The following CEP85L variants were observed in gnomAD, a reference collection of about 807,000 sequenced individuals.
CEP85L encodes the protein centrosomal protein of 85 kDa-like.
CEP85L carries 60 observed loss-of-function variants against 100.3 expected under a neutral mutation model. The observed-to-expected ratio is 0.60, with a 90% confidence interval of 0.49 to 0.74. The LOEUF (loss-of-function observed/expected upper bound fraction) is 0.74. Ranked by LOEUF, CEP85L falls within the 30% of genes least tolerant of loss-of-function variation. The probability of loss-of-function intolerance (pLI) is 0.00; values close to 1 mark genes in which losing one functional copy is unlikely to be tolerated. For synonymous variants in CEP85L, 319 were observed against 322.7 expected (o/e 0.99, Z 0.12); for missense variants, 973 against 936.2 (o/e 1.04, Z -0.51).
At chr6:118,595,205 C>G (rs938000589) in intron 2 of CEP85L, among the ~76,000 whole-genome samples, 1 of 152,046 alleles carries the variant, frequency 6.6e-6, no homozygotes, top group Non-Finnish European at 1.5e-5. Flanking sequence ...CAAAGAAATC[C>G]TAGGAAAACA....
At chr6:118,708,548 A>C (rs1472352741) in intron 1 of CEP85L, among the ~76,000 whole-genome samples, 1 of 152,244 alleles carries the variant, frequency 6.6e-6, no homozygotes, top group East Asian at 1.9e-4. Context: ...AAAAGAACTT[A>C]CTTTTTAGGA....
rs1391879628 is a variant in CEP85L at position 118,566,166 on chromosome 6, C to T, written c.383G>A (p.Ser128Asn). Residue 128 changes from serine (S) to asparagine (N), a missense_variant, in exon 3 of 13, where the codon AGC becomes AAC. This residue lies in a region of CEP85L where 890 missense variants were observed against 844.5 expected (regional missense o/e 1.05). Transcript: ENST00000368491. ...GTGGTTTCCCAATGTTTGCATGAGG[C>T]TTGTACTCCATTTTGAGCCATCTGG... is the stretch of plus-strand genomic sequence containing the variant. ...LTPDGSKWST[S>N]LMQTLGNHSR... 5.0e-6 allele frequency: 8 copies of T among 1,614,128 alleles called. No homozygotes were observed. The Middle Eastern group carries it at 8.2e-4, about 166-fold the overall frequency.
At chr6:118,696,563 T>C (rs964334196) in intron 1 of CEP85L, among the ~76,000 whole-genome samples, 3 of 152,222 alleles carry the variant, frequency 2.0e-5, no homozygotes, top group Non-Finnish European at 4.4e-5. Flanking sequence ...CAAGTTGCTG[T>C]AGACACTTTG....
At chr6:118,570,170 T>C (rs1779802408) in intron 2 of CEP85L, among the ~76,000 whole-genome samples, 1 of 152,144 alleles carries the variant, frequency 6.6e-6, no homozygotes, top group South Asian at 2.1e-4. Context: ...CTCTACATAG[T>C]GGAAAGGGGG....
At chr6:118,650,737 C>T (rs1271597801) in intron 1 of CEP85L, among the ~76,000 whole-genome samples, 2 of 152,188 alleles carry the variant, frequency 1.3e-5, no homozygotes, top group African/African-American at 4.8e-5. Context: ...CCTGCGCCTA[C>T]CAGAAGTCGG....
Position 118,466,820 on chromosome 6 carries a change from G to A in CEP85L, c.2255-1252C>T, listed in dbSNP as rs148482868. On this transcript the variant is annotated intron_variant, in intron 12 of 12. Coordinates refer to ENST00000368491, the MANE Select transcript of CEP85L (RefSeq NM_001042475.3). ...GTAAAATGGATTAGGGGGAGGGGAT[G>A]AGAAAGATGGTTGTCAGAGAGACCA... Among the ~76,000 whole-genome samples, 667 of 152,224 alleles carry A rather than the reference G, an allele frequency of 4.4e-3. 3 individuals carry two copies. The highest frequency in any genetic ancestry group is 0.015 in the African/African-American group (641 of 41,540).
chr6:118,701,438 C>A (rs182031959), intron 1 of CEP85L, among the ~76,000 whole-genome samples: 1 of 152,186 alleles, frequency 6.6e-6, no homozygotes, highest in Non-Finnish European at 1.5e-5. Context: ...GAGTACTACA[C>A]AGCCATAAAA....
At chr6:118,618,502 A>G (rs1235461879) in intron 2 of CEP85L, among the ~76,000 whole-genome samples, 1 of 152,108 alleles carries the variant, frequency 6.6e-6, no homozygotes, top group African/African-American at 2.4e-5. Context: ...CATTTTCTTC[A>G]TTGTTCCCCA....
chr6:118,481,781 C>G lies in CEP85L; in HGVS notation c.1743G>C (p.Gln581His). Residue 581 changes from glutamine to histidine, a missense_variant and splice_region_variant, in exon 8 of 13, where the codon CAG (glutamine) becomes CAC (histidine). Physicochemically the swap from Gln to His is conservative, Grantham distance 24. Transcript: ENST00000368491. The stretch of plus-strand genomic sequence containing the variant: ...AAGGATTCAGAAAATTTTCTTACCT[C>G]TGAACGGTAGTTACTAACTCCTTTT... ...KKEKELVTTV[Q>H]SLQQKVERCL... 6.4e-7 allele frequency: 1 copy of G among 1,564,122 alleles called. No individual in the cohort carries two copies. Among genetic ancestry groups the G allele is most frequent in the Non-Finnish European group, 8.6e-7 (1 of 1,156,148 alleles).
At chr6:118,624,333 A>G (rs1773646087) in intron 2 of CEP85L, among the ~76,000 whole-genome samples, 2 of 152,168 alleles carry the variant, frequency 1.3e-5, no homozygotes, top group Admixed American at 1.3e-4. Context: ...AGCTCCTGCC[A>G]GGACAAAAAT....
intron 5 of CEP85L, among the ~76,000 whole-genome samples, chr6:118,499,094 T>A (rs1775109022): frequency 6.6e-6 from 1 of 152,198 alleles, no homozygotes; most frequent in African/African-American, 2.4e-5. Flanking sequence ...ATTTGTGGTA[T>A]CCAGTGAAAG....
intron 2 of CEP85L, among the ~76,000 whole-genome samples, chr6:118,591,684 G>C (rs893230651): frequency 2.6e-5 from 4 of 151,858 alleles, no homozygotes; most frequent in African/African-American, 9.7e-5. Flanking sequence ...CCAGATTCTT[G>C]AGCTGCTTGC....
At chr6:118,646,895 T>A (rs1775237121) in intron 1 of CEP85L, 1 of 978,638 alleles carries the variant, frequency 1.0e-6, no homozygotes, top group African/African-American at 1.7e-5. Flanking sequence ...ACAATAGAGG[T>A]TATCAACTCA....
chr6:118,692,999 A>G (rs1016189615), intron 1 of CEP85L, among the ~76,000 whole-genome samples: 34 of 152,214 alleles, frequency 2.2e-4, no homozygotes, highest in African/African-American at 7.5e-4. Flanking sequence ...AGAGGCATAG[A>G]AAGATTCTGA....
rs146189545 is a variant in CEP85L, at chr6:118,631,165, G to T, written c.232+1288C>A. Among the ~76,000 whole-genome samples the T allele has an allele frequency of 1.1e-3, 170 of 152,228 alleles. 1 individual carries two copies. Among genetic ancestry groups the T allele is most frequent in the African/African-American group, 3.9e-3 (161 of 41,528 alleles). On this transcript the variant is annotated intron_variant, in intron 2 of 12. Transcript: ENST00000368491. ...TTGGAGGAGGCTGTGCATGTGTGGG[G>T]ACAAGAGATATACAGGAAATCTCTG...
At chr6:118,546,280 A>T (rs1173321972) in intron 3 of CEP85L, among the ~76,000 whole-genome samples, 2 of 152,174 alleles carry the variant, frequency 1.3e-5, no homozygotes, top group Non-Finnish European at 2.9e-5. Context: ...TGTGTCACAC[A>T]CAGTTGTTAG....
chr6:118,541,498 A>C (rs540848003), intron 3 of CEP85L, among the ~76,000 whole-genome samples: 12 of 152,202 alleles, frequency 7.9e-5, no homozygotes, highest in Non-Finnish European at 1.8e-4. Context: ...TCCACATATC[A>C]AAATCTATTT....
At chr6:118,634,103 T>C (rs879725404) in intron 1 of CEP85L, among the ~76,000 whole-genome samples, 1 of 152,258 alleles carries the variant, frequency 6.6e-6, no homozygotes, top group Non-Finnish European at 1.5e-5. Flanking sequence ...GCAAATGACA[T>C]CACTGGGTAT....
intron 1 of CEP85L, among the ~76,000 whole-genome samples, chr6:118,691,164 C>T (rs544358074): frequency 4.8e-5 from 3 of 62,326 alleles, no homozygotes; most frequent in South Asian, 9.8e-4. Context: ...CCTGTAATCC[C>T]GACACTTTGA....
Sources: allele counts gnomAD v4.1 joint callset (sites outside exome capture counted in the v4.1 genomes callset), GRCh38; gene constraint gnomAD v4.1.1; regional missense constraint gnomAD v4.1.1; transcripts MANE v1.5; gene names NCBI Gene and HGNC (gene_info 2026-07-23, HGNC 2026-07-21).